FOXO1: variants seen among roughly 807,000 people sequenced by gnomAD.
FOXO1 encodes forkhead box protein O1.
In FOXO1, 6 loss-of-function variants were observed where a neutral mutation model predicts 44.1. The ratio of observed to expected loss-of-function variants is 0.14; its 90% CI spans 0.07 to 0.27. The LOEUF (loss-of-function observed/expected upper bound fraction) is 0.27, where lower values mean the gene tolerates loss of function less well. Ranked by LOEUF, FOXO1 falls within the 10% of genes least tolerant of loss-of-function variation. The pLI, the probability that FOXO1 is intolerant of heterozygous loss-of-function variation, is 1.00. For synonymous variants in FOXO1, 380 were observed against 362.7 expected (o/e 1.05, Z -0.54); for missense variants, 737 against 888.8 (o/e 0.83, Z 2.17).
At chr13:40,579,285 T>C (rs906167871) in intron 1 of FOXO1, among the ~76,000 whole-genome samples, 33 of 152,210 alleles carry the variant, frequency 2.2e-4, no homozygotes, top group African/African-American at 8.0e-4. Flanking sequence ...TCTGTGGGAC[T>C]TGCTGCTAGA....
rs374930087 is a variant in FOXO1, at chr13:40,559,506, T to C, written c.*14+3A>G. On this transcript the variant is annotated splice_donor_region_variant and intron_variant, in intron 2 of 2. Transcript: ENST00000379561. ...AGGTCTTTTGATATTGGGGTGAACT[T>C]ACCTGCTCACTAACCCTCAGCCTGA... 7.0e-6 allele frequency: 11 copies of C among 1,560,924 alleles called. No homozygotes were observed. The African/African-American group carries it at 1.1e-4, about 15-fold the overall frequency.
At chr13:40,606,079 A>T (rs1183071573) in intron 1 of FOXO1, among the ~76,000 whole-genome samples, 2 of 152,200 alleles carry the variant, frequency 1.3e-5, no homozygotes, top group East Asian at 3.8e-4. Flanking sequence ...TCCAAATGTT[A>T]TCTAGCAAGA....
chr13:40,582,634 C>G (rs936929120), intron 1 of FOXO1, among the ~76,000 whole-genome samples: 3 of 152,186 alleles, frequency 2.0e-5, no homozygotes, highest in African/African-American at 7.2e-5. Flanking sequence ...CTCAAGAAAC[C>G]ACTCTCTTTG....
At chr13:40,619,480 G>A in intron 1 of FOXO1, 1 of 1,292,018 alleles carries the variant, frequency 7.7e-7, no homozygotes, top group Non-Finnish European at 1.1e-6. Context: ...CTCGAACAGT[G>A]GAGAGTTTCG....
At chr13:40,581,480 C>G (rs1874954376) in intron 1 of FOXO1, among the ~76,000 whole-genome samples, 1 of 152,196 alleles carries the variant, frequency 6.6e-6, no homozygotes, top group Non-Finnish European at 1.5e-5. Flanking sequence ...CCTGTTTGAA[C>G]CAAACTGCAG....
chr13:40,647,829 C>T (rs1363221301), intron 1 of FOXO1, among the ~76,000 whole-genome samples: 3 of 152,194 alleles, frequency 2.0e-5, no homozygotes, highest in Non-Finnish European at 4.4e-5. Flanking sequence ...TGGAACACTA[C>T]TAGCTCCAGG....
chr13:40,577,282 C>T (rs1188781408), intron 1 of FOXO1, among the ~76,000 whole-genome samples: 1 of 152,016 alleles, frequency 6.6e-6, no homozygotes, highest in Non-Finnish European at 1.5e-5. Flanking sequence ...CAACAGAATT[C>T]GATTATAAAC....
intron 1 of FOXO1, among the ~76,000 whole-genome samples, chr13:40,659,024 G>C (rs971591567): frequency 6.7e-6 from 1 of 148,350 alleles, no homozygotes; most frequent in African/African-American, 2.5e-5. Flanking sequence ...AAAAGAAAAA[G>C]AAAAGAAAAG....
intron 1 of FOXO1, among the ~76,000 whole-genome samples, chr13:40,599,370 T>C (rs560895956): frequency 5.1e-4 from 78 of 152,326 alleles, no homozygotes; most frequent in Admixed American, 1.7e-3. Flanking sequence ...GCATTTTATA[T>C]ACTACACTAT....
At chr13:40,628,188 T>G (rs1464944999) in intron 1 of FOXO1, among the ~76,000 whole-genome samples, 1 of 152,158 alleles carries the variant, frequency 6.6e-6, no homozygotes, top group Non-Finnish European at 1.5e-5. Flanking sequence ...TAAAAAATTT[T>G]TTTTAAAAAG....
chr13:40,666,386 A>G lies in FOXO1; in HGVS notation c.-174T>C, dbSNP rs1198346083. 3 of 487,098 alleles carry G rather than the reference A, an allele frequency of 6.2e-6. No homozygotes were observed. Among genetic ancestry groups the G allele is most frequent in the Non-Finnish European group, 1.0e-5 (3 of 286,410 alleles). 30.2% of individuals were successfully genotyped at this position (487,098 alleles called of 1,614,324 possible). Reference sequence around the variant, plus strand: ...CGCGGCGGAGTGGAAGCGCGAGCCCAGAACTTAACTTCGCGGGGCCATCCA... The same window carrying G: ...CGCGGCGGAGTGGAAGCGCGAGCCCGGAACTTAACTTCGCGGGGCCATCCA... On this transcript the variant is annotated 5_prime_UTR_variant, in exon 1 of 3. Coordinates refer to ENST00000379561, the MANE Select transcript of FOXO1 (RefSeq NM_002015.4).
At chr13:40,621,331 A>G in intron 1 of FOXO1, 1 of 585,602 alleles carries the variant, frequency 1.7e-6, no homozygotes, top group South Asian at 3.3e-5. Context: ...TTAGGGTCCA[A>G]CATAGCAAAC....
At chr13:40,567,739 G>A (rs1874323592) in intron 1 of FOXO1, among the ~76,000 whole-genome samples, 1 of 152,122 alleles carries the variant, frequency 6.6e-6, no homozygotes, top group Non-Finnish European at 1.5e-5. Flanking sequence ...GGAGGCTGAG[G>A]AGGGCAGATC....
intron 1 of FOXO1, among the ~76,000 whole-genome samples, chr13:40,657,317 T>C (rs1877889541): frequency 7.7e-6 from 1 of 129,416 alleles, no homozygotes; most frequent in African/African-American, 3.2e-5. Flanking sequence ...ATCCTTTTTT[T>C]TCTTTTTTTT....
intron 1 of FOXO1, among the ~76,000 whole-genome samples, chr13:40,588,188 G>C (rs1242841228): frequency 6.6e-6 from 1 of 152,112 alleles, no homozygotes; most frequent in Non-Finnish European, 1.5e-5. Flanking sequence ...GAGGATTAGG[G>C]AGTGCTCATC....
chr13:40,657,589 C>T (rs917801679), intron 1 of FOXO1, among the ~76,000 whole-genome samples: 1 of 152,172 alleles, frequency 6.6e-6, no homozygotes, highest in Non-Finnish European at 1.5e-5. Context: ...CCACCTTGGC[C>T]TCCCAAAGTG....
intron 1 of FOXO1, among the ~76,000 whole-genome samples, chr13:40,634,491 C>T (rs1877076625): frequency 6.6e-6 from 1 of 152,104 alleles, no homozygotes; most frequent in South Asian, 2.1e-4. Flanking sequence ...GCTAGGGCAA[C>T]ACAGACCCCA....
At chr13:40,660,860 TGAGCCAGG>T (rs1262610119) in intron 1 of FOXO1, among the ~76,000 whole-genome samples, 1 of 152,098 alleles carries the variant, frequency 6.6e-6, no homozygotes, top group African/African-American at 2.4e-5. Flanking sequence ...GAGGATCACT[TGAGCCAGG>T]GGCAGGCAGA....
At chr13:40,582,738 T>C (rs994257667) in intron 1 of FOXO1, among the ~76,000 whole-genome samples, 1 of 152,176 alleles carries the variant, frequency 6.6e-6, no homozygotes, top group Non-Finnish European at 1.5e-5. Context: ...CTAATTCTAG[T>C]TCTTTTGATG....
Sources: allele counts gnomAD v4.1 joint callset (sites outside exome capture counted in the v4.1 genomes callset), GRCh38; gene constraint gnomAD v4.1.1; transcripts MANE v1.5; gene names NCBI Gene and HGNC (gene_info 2026-07-23, HGNC 2026-07-21).